DNAJC27: variants seen among roughly 807,000 people sequenced by gnomAD.
The protein encoded by DNAJC27 is dnaJ homolog subfamily C member 27.
DNAJC27 carries 25 observed loss-of-function variants against 31.4 expected under a neutral mutation model. The ratio of observed to expected loss-of-function variants is 0.80; its 90% CI spans 0.58 to 1.11. The LOEUF (loss-of-function observed/expected upper bound fraction) is 1.11, where lower values mean the gene tolerates loss of function less well. Ranked by LOEUF, DNAJC27 falls within the 50% of genes most tolerant of loss-of-function variation. DNAJC27 has a pLI of 0.00. For synonymous variants in DNAJC27, 106 were observed against 112.7 expected (o/e 0.94, Z 0.37); for missense variants, 356 against 347.3 (o/e 1.02, Z -0.20).
intron 3 of DNAJC27, among the ~76,000 whole-genome samples, chr2:24,960,225 A>G (rs562624304): frequency 3.1e-4 from 47 of 152,288 alleles, no homozygotes; most frequent in Non-Finnish European, 4.4e-4. Flanking sequence ...GTGATCAGTG[A>G]TATCTGTTAC....
chr2:24,961,678 G>A (rs777454665), intron 3 of DNAJC27, among the ~76,000 whole-genome samples: 2 of 152,110 alleles, frequency 1.3e-5, no homozygotes, highest in Admixed American at 6.6e-5. Context: ...ATCAGTGGAG[G>A]AAGTAACTGC....
At chr2:24,970,928 T>TAGGC (rs1666318680) in intron 1 of DNAJC27, among the ~76,000 whole-genome samples, 1 of 152,224 alleles carries the variant, frequency 6.6e-6, no homozygotes, top group South Asian at 2.1e-4. Flanking sequence ...GGCACTGGAC[T>TAGGC]AGGCACTGCC....
At chr2:24,954,073 T>C (rs971974987) in intron 5 of DNAJC27, among the ~76,000 whole-genome samples, 2 of 151,992 alleles carry the variant, frequency 1.3e-5, no homozygotes, top group African/African-American at 4.8e-5. Context: ...CAAGTCTCAT[T>C]GAGCTAAGGA....
chr2:24,964,364 G>C (rs901293375), intron 2 of DNAJC27, among the ~76,000 whole-genome samples: 1 of 150,974 alleles, frequency 6.6e-6, no homozygotes, highest in African/African-American at 2.4e-5. Context: ...GGAGCTTGCA[G>C]TGAGCCGAGA....
At position 24,947,500 on chromosome 2, in the gene DNAJC27, C is replaced by A. The variant is rs749720100; in HGVS notation, c.*116G>T. 2.8e-5 allele frequency: 36 copies of A among 1,268,534 alleles called. No individual in the cohort carries two copies. The highest frequency in any genetic ancestry group is 3.7e-5 in the Non-Finnish European group (34 of 916,614). 78.6% of individuals were successfully genotyped at this position (1,268,534 alleles called of 1,614,324 possible). A position where few individuals can be genotyped will look rare whatever the true frequency, so the allele number is the denominator to read the frequency against. ...TGAATTACTGATATACAAATGACAA[C>A]ACATGAATGAAAAGAGCAGTGAGAT... On this transcript the variant is annotated 3_prime_UTR_variant, in exon 7 of 7. Coordinates refer to ENST00000264711, the MANE Select transcript of DNAJC27 (RefSeq NM_016544.3).
chr2:24,952,813 A>G (rs1337747568), intron 5 of DNAJC27, among the ~76,000 whole-genome samples: 1 of 152,232 alleles, frequency 6.6e-6, no homozygotes, highest in East Asian at 1.9e-4. Flanking sequence ...TATATCTAAT[A>G]TAGTTTGATT....
chr2:24,951,469 T>C lies in DNAJC27; in HGVS notation c.614A>G (p.Gln205Arg). 1.2e-6 allele frequency: 2 copies of C among 1,613,956 alleles called. No individual in the cohort carries two copies. The highest frequency in any genetic ancestry group is 1.7e-6 in the Non-Finnish European group (2 of 1,179,900). The part of the protein sequence containing the change: ...TNSSASFTKE[Q>R]ADAIRRIRNS... ...TCGAATTCTGCGAATGGCATCTGCT[T>C]GTTCTTTGGTGAAACTAGCACTGCT... Residue 205 changes from glutamine (Q) to arginine (R), a missense_variant, in exon 6 of 7, where the codon CAA (glutamine) becomes CGA (arginine). By Grantham distance (43) the Gln-to-Arg change is conservative. Transcript: ENST00000264711.
In DNAJC27 at chr2:24,957,983, A is replaced by G. The variant is rs1665949557; in HGVS notation, c.241-9T>C. ...TAAAACTCATTTCGAACCTTCAAAT[A>G]AAAGGACAGATACACAAAACGTAGT... On this transcript the variant is annotated splice_polypyrimidine_tract_variant and intron_variant, in intron 3 of 6. Coordinates refer to ENST00000264711, the MANE Select transcript of DNAJC27 (RefSeq NM_016544.3). The G allele has an allele frequency of 2.5e-6, 4 of 1,608,960 alleles. No homozygotes were observed. Among genetic ancestry groups the G allele is most frequent in the African/African-American group, 1.3e-5 (1 of 74,900 alleles).
intron 1 of DNAJC27, among the ~76,000 whole-genome samples, chr2:24,970,236 T>A (rs1013389875): frequency 5.9e-5 from 9 of 152,202 alleles, no homozygotes. Context: ...ATTTTTATAA[T>A]GTTTCTAATA....
chr2:24,949,662 T>C (rs1004697751), intron 6 of DNAJC27, among the ~76,000 whole-genome samples: 4 of 152,230 alleles, frequency 2.6e-5, no homozygotes, highest in African/African-American at 7.2e-5. Flanking sequence ...CATGTTTCTA[T>C]TGGTTAAGGA....
At chr2:24,961,785 T>C (rs531188198) in intron 3 of DNAJC27, among the ~76,000 whole-genome samples, 1 of 152,002 alleles carries the variant, frequency 6.6e-6, no homozygotes, top group Admixed American at 6.5e-5. Context: ...AAATAAGGAG[T>C]TGCTTCATAT....
chr2:24,961,124 T>A (rs1666029333), intron 3 of DNAJC27, among the ~76,000 whole-genome samples: 1 of 152,238 alleles, frequency 6.6e-6, no homozygotes, highest in African/African-American at 2.4e-5. Flanking sequence ...ACGGGCTATA[T>A]GAGCTGATGC....
At chr2:24,963,719 C>T (rs535512554) in intron 2 of DNAJC27, among the ~76,000 whole-genome samples, 9 of 152,350 alleles carry the variant, frequency 5.9e-5, no homozygotes, top group Admixed American at 2.6e-4. Context: ...TTCACCTTCA[C>T]TTCTAGAAAC....
At chr2:24,948,553 C>G (rs1336920017) in intron 6 of DNAJC27, among the ~76,000 whole-genome samples, 2 of 152,080 alleles carry the variant, frequency 1.3e-5, no homozygotes, top group Non-Finnish European at 2.9e-5. Flanking sequence ...CTCACGAGAC[C>G]AAAGAAGAAA....
At position 24,963,555 on chromosome 2, in the gene DNAJC27, GGA is replaced by G. The variant is rs1666102993; in HGVS notation, c.171-83_171-82del. 4 of 1,197,650 alleles carry G rather than the reference GGA, an allele frequency of 3.3e-6. No homozygotes were observed. In the South Asian group the frequency reaches 5.6e-5, roughly 17 times the overall value. The allele number at this position is 1,197,650 out of a possible 1,614,324, so 74.2% of individuals were successfully genotyped here. A position where few individuals can be genotyped will look rare whatever the true frequency, so the allele number is the denominator to read the frequency against. On this transcript the variant is annotated intron_variant, in intron 2 of 6. Coordinates refer to ENST00000264711, the MANE Select transcript of DNAJC27 (RefSeq NM_016544.3). ...TTAATATCATTTATAAATTTCAAAAGGATATGTGTATGCAATTTAAGAAGCTT... is the reference window on the plus strand; with the variant it reads ...TTAATATCATTTATAAATTTCAAAAGTATGTGTATGCAATTTAAGAAGCTT...
At chr2:24,952,115 A>G (rs930336744) in intron 5 of DNAJC27, among the ~76,000 whole-genome samples, 11 of 152,328 alleles carry the variant, frequency 7.2e-5, no homozygotes, top group African/African-American at 2.2e-4. Flanking sequence ...CCCTGTCTCA[A>G]AAACAAACCA....
chr2:24,969,213 G>C (rs1666263868), intron 1 of DNAJC27: 1 of 210,478 alleles, frequency 4.8e-6, no homozygotes, highest in Admixed American at 4.5e-5. Flanking sequence ...AACACCATGT[G>C]AGTCTCTCAA....
At chr2:24,967,955 T>C (rs942122550) in intron 1 of DNAJC27, among the ~76,000 whole-genome samples, 81 of 121,294 alleles carry the variant, frequency 6.7e-4, no homozygotes, top group African/African-American at 3.3e-3. Context: ...GATTAATTCC[T>C]TTTTTTTTTT....
At chr2:24,965,830 T>C (rs1389945072) in intron 2 of DNAJC27, among the ~76,000 whole-genome samples, 1 of 152,184 alleles carries the variant, frequency 6.6e-6, no homozygotes, top group Non-Finnish European at 1.5e-5. Context: ...TTCTTAAATA[T>C]TGCCCTCATA....
Sources: allele counts gnomAD v4.1 joint callset (sites outside exome capture counted in the v4.1 genomes callset), GRCh38; gene constraint gnomAD v4.1.1; transcripts MANE v1.5; gene names NCBI Gene and HGNC (gene_info 2026-07-23, HGNC 2026-07-21).